The following RPS6KA2 variants were observed in gnomAD, a reference collection of about 807,000 sequenced individuals.
RPS6KA2 encodes the protein ribosomal protein S6 kinase alpha-2.
Under a neutral mutation model 91.8 loss-of-function variants are expected in RPS6KA2, and 42 were observed. The ratio of observed to expected loss-of-function variants is 0.46; its 90% CI spans 0.36 to 0.59. The LOEUF (loss-of-function observed/expected upper bound fraction) is 0.59, where lower values mean the gene tolerates loss of function less well. Ranked by LOEUF, RPS6KA2 falls within the 20% of genes least tolerant of loss-of-function variation. The pLI, the probability that RPS6KA2 is intolerant of heterozygous loss-of-function variation, is 0.00. For missense variants in RPS6KA2, 798 were observed against 978.5 expected (o/e 0.82, Z 2.46); for synonymous variants, 414 against 393.6 (o/e 1.05, Z -0.61).
At chr6:166,848,573 A>C (rs1240998058) in intron 2 of RPS6KA2, among the ~76,000 whole-genome samples, 1 of 152,262 alleles carries the variant, frequency 6.6e-6, no homozygotes, top group Admixed American at 6.5e-5. Context: ...CTACTCAGCC[A>C]TAAAAAGAAT....
At chr6:166,470,104 G>C (rs1242800477) in intron 10 of RPS6KA2, among the ~76,000 whole-genome samples, 199 bp from the exon 11 acceptor site, 1 of 152,216 alleles carries the variant, frequency 6.6e-6, no homozygotes, top group East Asian at 1.9e-4. Context: ...AGCCCCGAGG[G>C]CTTGTGAGGC....
At chr6:166,611,621 G>T (rs1786179813) in intron 1 of RPS6KA2, among the ~76,000 whole-genome samples, 1 of 152,164 alleles carries the variant, frequency 6.6e-6, no homozygotes, top group African/African-American at 2.4e-5. Flanking sequence ...AAATTGCTTG[G>T]CTCATATAAC....
intron 2 of RPS6KA2, among the ~76,000 whole-genome samples, chr6:166,679,552 CAT>C (rs1788721267): frequency 6.6e-6 from 1 of 152,228 alleles, no homozygotes; most frequent in South Asian, 2.1e-4. Context: ...ATGTGTAGGA[CAT>C]AGCCAAAAAG....
intron 1 of RPS6KA2, among the ~76,000 whole-genome samples, chr6:166,562,244 A>C (rs940782132): frequency 5.3e-5 from 8 of 152,206 alleles, no homozygotes; most frequent in Non-Finnish European, 1.5e-5. Context: ...AGAGCTGCTT[A>C]GTCTCCTGGG....
At chr6:166,830,140 AAG>A (rs1554261423) in intron 2 of RPS6KA2, among the ~76,000 whole-genome samples, 6 of 21,752 alleles carry the variant, frequency 2.8e-4, no homozygotes, top group African/African-American at 7.1e-4. Context: ...AAAAAAAAAA[AAG>A]AAAGAAAGAA....
chr6:166,677,660 A>T (rs925285653), intron 2 of RPS6KA2, among the ~76,000 whole-genome samples: 8 of 152,220 alleles, frequency 5.3e-5, no homozygotes, highest in African/African-American at 1.9e-4. Flanking sequence ...TATTAATGCT[A>T]TTCCATCTTT....
intron 2 of RPS6KA2, among the ~76,000 whole-genome samples, chr6:166,647,091 T>C (rs1787629749): frequency 6.6e-6 from 1 of 152,128 alleles, no homozygotes; most frequent in Non-Finnish European, 1.5e-5. Flanking sequence ...TGTATATCAG[T>C]ATGTGCCAGA....
intron 2 of RPS6KA2, 128 bp from the exon 3 acceptor site, chr6:166,531,441 T>A: frequency 1.4e-6 from 1 of 728,422 alleles, no homozygotes; most frequent in East Asian, 2.6e-5. Context: ...CTGGTGAGAA[T>A]TTAAAATTTT....
At chr6:166,592,942 G>A (rs964817281) in intron 1 of RPS6KA2, among the ~76,000 whole-genome samples, 1 of 152,146 alleles carries the variant, frequency 6.6e-6, no homozygotes, top group Non-Finnish European at 1.5e-5. Flanking sequence ...TTTGAAACTC[G>A]AATTCAACAT....
At chr6:166,809,810 C>T (rs1227725492) in intron 2 of RPS6KA2, among the ~76,000 whole-genome samples, 1 of 152,182 alleles carries the variant, frequency 6.6e-6, no homozygotes, top group East Asian at 1.9e-4. Context: ...CAGCCAATGA[C>T]TCAGAACTTC....
At chr6:166,843,879 G>C (rs1780547491) in intron 2 of RPS6KA2, among the ~76,000 whole-genome samples, 1 of 151,974 alleles carries the variant, frequency 6.6e-6, no homozygotes, top group Non-Finnish European at 1.5e-5. Context: ...ACCTCCAAAA[G>C]ATCACACCAG....
chr6:166,760,107 GGAA>G (rs945857529), intron 2 of RPS6KA2, among the ~76,000 whole-genome samples: 2 of 152,160 alleles, frequency 1.3e-5, no homozygotes, highest in Admixed American at 1.3e-4. Flanking sequence ...GAATAAAAAC[GGAA>G]GGTTTCTTTT....
At chr6:166,643,021 T>C (rs951517148) in intron 2 of RPS6KA2, among the ~76,000 whole-genome samples, 3 of 152,206 alleles carry the variant, frequency 2.0e-5, no homozygotes, top group East Asian at 1.9e-4. Flanking sequence ...ACTGTAAACA[T>C]AGAATGCATC....
rs2281045 is a variant in RPS6KA2 at position 166,490,910 on chromosome 6, A to T, written c.748-169T>A. ...TGCTTGGGGTACAACAGTGACTAAA[A>T]CTGCCTCGCAGAGCTTGCCATTTGG... On this transcript the variant is annotated intron_variant, in intron 8 of 20. Transcript: ENST00000265678. This position sits in a 1 kb window ranked among gnomAD's most constrained non-coding sequence, Gnocchi z 4.2. 1.3e-5 allele frequency among the ~76,000 whole-genome samples: 2 copies of T among 152,086 alleles called. No individual in the cohort carries two copies. The highest frequency in any genetic ancestry group is 4.8e-5 in the African/African-American group (2 of 41,422).
At chr6:166,772,127 G>A (rs74334260) in intron 2 of RPS6KA2, among the ~76,000 whole-genome samples, 3,798 of 151,998 alleles carry the variant, frequency 0.025, 168 homozygotes, top group African/African-American at 0.085. Context: ...GTATTGTACT[G>A]GGCATGTATG....
chr6:166,766,900 C>T (rs907615451), intron 2 of RPS6KA2, among the ~76,000 whole-genome samples: 1 of 152,242 alleles, frequency 6.6e-6, no homozygotes, highest in Admixed American at 6.5e-5. Flanking sequence ...GCACCCTACT[C>T]GCCCCACAGT....
chr6:166,574,817 G>A (rs116422304), intron 1 of RPS6KA2, among the ~76,000 whole-genome samples: 314 of 152,310 alleles, frequency 2.1e-3, no homozygotes, highest in African/African-American at 7.0e-3. Flanking sequence ...CAGGTAGCTT[G>A]AAAAGCGGGA....
chr6:166,486,096 G>A (rs114490695), intron 10 of RPS6KA2, among the ~76,000 whole-genome samples: 3,223 of 152,306 alleles, frequency 0.021, 118 homozygotes, highest in African/African-American at 0.073. Context: ...GGCTAACGAC[G>A]ACCGTCACCA....
At chr6:166,531,346 G>A (rs756559913) in intron 2 of RPS6KA2, 33 bp from the exon 3 acceptor site, 16 of 1,521,138 alleles carry the variant, frequency 1.1e-5, no homozygotes, top group South Asian at 2.2e-5. Context: ...TCAGAAACCC[G>A]TAAGACTTCA....
Sources: allele counts gnomAD v4.1 joint callset (sites outside exome capture counted in the v4.1 genomes callset), GRCh38; gene constraint gnomAD v4.1.1; non-coding constraint Gnocchi (gnomAD v3.1); transcripts MANE v1.5; gene names NCBI Gene and HGNC (gene_info 2026-07-23, HGNC 2026-07-21).